Variants in RASAL3 observed in about 807,000 individuals in gnomAD.
The protein encoded by RASAL3 is RAS protein activator like-3.
In RASAL3, 74 loss-of-function variants were observed where a neutral mutation model predicts 105.5. The ratio of observed to expected loss-of-function variants is 0.70; its 90% CI spans 0.58 to 0.85. RASAL3 has a LOEUF of 0.85. Ranked by LOEUF, RASAL3 falls within the 40% of genes least tolerant of loss-of-function variation. RASAL3 has a pLI of 0.00. For missense variants in RASAL3, 1,352 were observed against 1,392.0 expected (o/e 0.97, Z 0.46); for synonymous variants, 579 against 591.6 (o/e 0.98, Z 0.31).
chr19:15,462,905 C>G (rs1485986834), intron 2 of RASAL3, among the ~76,000 whole-genome samples: 2 of 149,532 alleles, frequency 1.3e-5, no homozygotes, highest in African/African-American at 2.5e-5. Flanking sequence ...GAGCCGAGAT[C>G]GCGCCACTGC....
At chr19:15,452,145 C>T (rs772970055) in intron 16 of RASAL3, 37 bp from the exon 17 acceptor site, 4 of 1,608,270 alleles carry the variant, frequency 2.5e-6, no homozygotes, top group Non-Finnish European at 3.4e-6. Context: ...AGGGCAGAGG[C>T]TAAGGAAGTC....
Position 15,456,486 on chromosome 19 carries a change from C to T in RASAL3, c.1576+16G>A, listed in dbSNP as rs1007155521. ...CTCACCAGCAGGCCGCTGACATGGA[C>T]TCTCCCCCAGCTCACCCAGGGTCTC... On this transcript the variant is annotated intron_variant, in intron 10 of 17. Coordinates refer to ENST00000343625, the MANE Select transcript of RASAL3 (RefSeq NM_022904.3). The surrounding 1 kb of genome is among the most constrained non-coding windows in gnomAD (Gnocchi z 4.4). 1.4e-5 allele frequency: 23 copies of T among 1,613,026 alleles called. No homozygotes were observed. The highest frequency in any genetic ancestry group is 1.7e-5 in the Non-Finnish European group (20 of 1,179,508).
At chr19:15,460,755 TC>T (rs1970482068) in intron 5 of RASAL3, among the ~76,000 whole-genome samples, 1 of 152,204 alleles carries the variant, frequency 6.6e-6, no homozygotes, top group South Asian at 2.1e-4. Context: ...AGATGAAGTC[TC>T]CCCATGTTGC....
intron 5 of RASAL3, 112 bp downstream of exon 5, chr19:15,460,948 A>T: frequency 1.0e-6 from 1 of 953,856 alleles, no homozygotes; most frequent in South Asian, 1.4e-5. Context: ...TCTGAGGCCC[A>T]AAGAGGGTCA....
Position 15,453,420 on chromosome 19 carries a change from T to A in RASAL3, c.2357A>T (p.Gln786Leu). ...PKHTPLISKS[Q>L]SLRSVRRSES... is the part of the protein sequence containing the mutation. ...TGAGCGGCGAACGCTGCGCAGAGAC[T>A]GGCTCTTGGAGATGAGAGGGGTGTG... The change falls in exon 15 of 18, where the codon CAG (glutamine) becomes CTG (leucine). Residue 786 changes from glutamine to leucine, a missense_variant. Around this residue, in one of 3 missense-constraint regions of RASAL3, gnomAD observed 920 missense variants for 919.6 expected, o/e 1.00. Transcript: ENST00000343625. The surrounding 1 kb of genome is among the most constrained non-coding windows in gnomAD (Gnocchi z 4.2). 1 of 1,526,224 alleles carries A rather than the reference T, an allele frequency of 6.6e-7. No individual in the cohort carries two copies. Among genetic ancestry groups the A allele is most frequent in the Non-Finnish European group, 8.7e-7 (1 of 1,148,176 alleles). 94.5% of individuals were successfully genotyped at this position (1,526,224 alleles called of 1,614,324 possible).
At chr19:15,459,228 C>T (rs926355101) in intron 6 of RASAL3, among the ~76,000 whole-genome samples, 11 of 80,676 alleles carry the variant, frequency 1.4e-4, no homozygotes, top group Non-Finnish European at 2.0e-4. Context: ...TGTGAGCCAC[C>T]GTGCCCAGCC....
At chr19:15,458,785 A>ACCCCCCCCCCCCCCCCC (rs531818545) in intron 6 of RASAL3, 130 bp from the exon 7 acceptor site, 1 of 1,090,672 alleles carries the variant, frequency 9.2e-7, no homozygotes, top group Non-Finnish European at 1.2e-6. Flanking sequence ...TGCCCCCCCC[A>ACCCCCCCCCCCCCCCCC]CCCCCCGCCA....
chr19:15,454,215 T>C lies in RASAL3; in HGVS notation c.2213A>G (p.Glu738Gly), dbSNP rs1163903797. The stretch of plus-strand genomic sequence containing the variant: ...CACTGACACAAGCACAGGCTGGCCC[T>C]CCTCAATGGCTCGCAGGATGGTGGG... Reference protein sequence around the residue: ...PLPTILRAIEEGQPVLVSVPM... With the variant: ...PLPTILRAIEGGQPVLVSVPM... Residue 738 changes from glutamate to glycine, a missense_variant, in exon 14 of 18, where the codon GAG becomes GGG. Glu to Gly is a moderately conservative substitution (Grantham distance 98). This residue lies in a region of RASAL3 where 920 missense variants were observed against 919.6 expected (regional missense o/e 1.00). Transcript: ENST00000343625. 6.4e-7 allele frequency: 1 copy of C among 1,570,842 alleles called. No individual in the cohort carries two copies. Among genetic ancestry groups the C allele is most frequent in the South Asian group, 1.2e-5 (1 of 85,498 alleles).
intron 16 of RASAL3, 27 bp downstream of exon 16, chr19:15,452,631 G>A: frequency 6.7e-7 from 1 of 1,501,734 alleles, no homozygotes; most frequent in South Asian, 1.3e-5. Flanking sequence ...ACCTGGGGGC[G>A]GAGCTAATGG....
rs1435004252 is a variant in RASAL3, at chr19:15,457,950, C to G, written c.889-116G>C. On this transcript the variant is annotated intron_variant, in intron 8 of 17. Coordinates refer to ENST00000343625, the MANE Select transcript of RASAL3 (RefSeq NM_022904.3). The surrounding 1 kb of genome is among the most constrained non-coding windows in gnomAD (Gnocchi z 8.6). ...TTGCGTCGGGTCCCTAGGGAGATTG[C>G]TGGGCCTTTGGGGAAAGAAGTGGAG... 2 of 1,238,790 alleles carry G rather than the reference C, an allele frequency of 1.6e-6. No homozygotes were observed. Among genetic ancestry groups the G allele is most frequent in the Non-Finnish European group, 2.2e-6 (2 of 898,604 alleles). The allele number at this position is 1,238,790 out of a possible 1,614,324, so 76.7% of individuals were successfully genotyped here.
At chr19:15,459,574 G>A (rs550862788) in intron 6 of RASAL3, among the ~76,000 whole-genome samples, 1 of 151,614 alleles carries the variant, frequency 6.6e-6, no homozygotes. Context: ...ATCTTGCTCT[G>A]TTGCCCAGGC....
intron 16 of RASAL3, 92 bp from the exon 17 acceptor site, chr19:15,452,200 C>A: frequency 7.6e-7 from 1 of 1,313,188 alleles, no homozygotes; most frequent in Non-Finnish European, 1.1e-6. Flanking sequence ...GGGGGCGGAG[C>A]TTGGAGTGGA....
chr19:15,456,301 C>A lies in RASAL3; in HGVS notation c.1577-53G>T. On this transcript the variant is annotated intron_variant, in intron 10 of 17. Coordinates refer to ENST00000343625, the MANE Select transcript of RASAL3 (RefSeq NM_022904.3). This position sits in a 1 kb window ranked among gnomAD's most constrained non-coding sequence, Gnocchi z 4.4. ...CTGGGGCCATGACCACCAAAACCTG[C>A]CACACCCATCCTCCAACCTTGTCTT... is the stretch of plus-strand genomic sequence containing the variant. 1.9e-6 allele frequency: 3 copies of A among 1,594,534 alleles called. No individual in the cohort carries two copies. Among genetic ancestry groups the A allele is most frequent in the Non-Finnish European group, 2.6e-6 (3 of 1,167,412 alleles).
In RASAL3 at chr19:15,457,487, G is replaced by A. The variant is rs768375941; in HGVS notation, c.1236C>T (p.Gly412=). ...CCCGAATCCGCGCCCGCAGCGCTGC[G>A]CCCGCCGGCGCCCCGAGCAGCGGGA... ...RWFPLLGAPA[G]AALRARIRAR... Residue 412 remains glycine (G), a synonymous_variant, in exon 9 of 18, where the codon GGC becomes GGT. Transcript: ENST00000343625. This position sits in a 1 kb window ranked among gnomAD's most constrained non-coding sequence, Gnocchi z 8.6. 1.3e-4 allele frequency: 159 copies of A among 1,205,714 alleles called. No homozygotes were observed. The African/African-American group carries it at 2.4e-3, about 19-fold the overall frequency. 74.7% of individuals were successfully genotyped at this position (1,205,714 alleles called of 1,614,324 possible). A position where few individuals can be genotyped will look rare whatever the true frequency, so the allele number is the denominator to read the frequency against.
rs774367092 is a variant in RASAL3 at position 15,458,645 on chromosome 19, C to A, written c.673G>T (p.Ala225Ser). ...RLEPRDGPPS[A>S]LGSRESLATL... ...GCCAGCGACTCCCTAGAGCCCAGAG[C>A]ACTGGGGGGTCTGGGAAGGGGGTGG... The change falls in exon 7 of 18, where the codon GCT becomes TCT. Residue 225 changes from alanine to serine, a missense_variant. Ala to Ser is a moderately conservative substitution (Grantham distance 99). Transcript: ENST00000343625. The A allele has an allele frequency of 1.4e-5, 22 of 1,613,086 alleles. No homozygotes were observed. Among genetic ancestry groups the A allele is most frequent in the Non-Finnish European group, 1.9e-5 (22 of 1,179,630 alleles).
In RASAL3 at chr19:15,456,449, C is replaced by T; in HGVS notation, c.1576+53G>A. ...GCTCAAGGACTCTTAGAACTTCACCCAGGTCCCCTAGCTCACCAGCAGGCC... is the reference window on the plus strand; with the variant it reads ...GCTCAAGGACTCTTAGAACTTCACCTAGGTCCCCTAGCTCACCAGCAGGCC... On this transcript the variant is annotated intron_variant, in intron 10 of 17. Transcript: ENST00000343625. This position sits in a 1 kb window ranked among gnomAD's most constrained non-coding sequence, Gnocchi z 4.4. 1 of 1,604,526 alleles carries T rather than the reference C, an allele frequency of 6.2e-7. No homozygotes were observed. The highest frequency in any genetic ancestry group is 8.5e-7 in the Non-Finnish European group (1 of 1,174,732).
intron 16 of RASAL3, chr19:15,452,408 G>C (rs1970178347): frequency 5.0e-6 from 3 of 594,318 alleles, no homozygotes; most frequent in Non-Finnish European, 3.0e-6. Context: ...CAGCCAGGTT[G>C]GGAGGGGCTG....
In RASAL3 at chr19:15,456,027, C is replaced by G. The variant is rs547499406; in HGVS notation, c.1721+77G>C. On this transcript the variant is annotated intron_variant, in intron 11 of 17. Coordinates refer to ENST00000343625, the MANE Select transcript of RASAL3 (RefSeq NM_022904.3). The surrounding 1 kb of genome is among the most constrained non-coding windows in gnomAD (Gnocchi z 4.4). ...TAACTGAGTGTCTCCTGTATTTTAT[C>G]TGGCCACCCTAAACTGGAGGTCGGG... The G allele has an allele frequency of 1.6e-5, 24 of 1,506,142 alleles. No homozygotes were observed. Among genetic ancestry groups the G allele is most frequent in the Middle Eastern group, 1.8e-4 (1 of 5,676 alleles). 93.3% of individuals were successfully genotyped at this position (1,506,142 alleles called of 1,614,324 possible). A position where few individuals can be genotyped will look rare whatever the true frequency, so the allele number is the denominator to read the frequency against.
chr19:15,458,316 G>A lies in RASAL3; in HGVS notation c.888+12C>T, dbSNP rs764383972. 5.5e-5 allele frequency: 89 copies of A among 1,611,710 alleles called. No homozygotes were observed. Among genetic ancestry groups the A allele is most frequent in the Non-Finnish European group, 6.4e-5 (75 of 1,178,854 alleles). The stretch of plus-strand genomic sequence containing the variant: ...CGGGGTCTCCGTGTCCCGCTTTTCT[G>A]AGGGCAATGACCTGGGTGGGCTGGA... On this transcript the variant is annotated intron_variant, in intron 8 of 17. Transcript: ENST00000343625.
Sources: allele counts gnomAD v4.1 joint callset (sites outside exome capture counted in the v4.1 genomes callset), GRCh38; gene constraint gnomAD v4.1.1; regional missense constraint gnomAD v4.1.1; non-coding constraint Gnocchi (gnomAD v3.1); transcripts MANE v1.5; gene names NCBI Gene and HGNC (gene_info 2026-07-23, HGNC 2026-07-21).